Variants in WLS observed in about 807,000 individuals in gnomAD.
WLS encodes the protein protein wntless homolog.
A neutral mutation model predicts 62.8 loss-of-function variants in WLS; 23 were observed. The ratio of observed to expected loss-of-function variants is 0.37; its 90% CI spans 0.26 to 0.52. The LOEUF (loss-of-function observed/expected upper bound fraction) is 0.52, where lower values mean the gene tolerates loss of function less well. Ranked by LOEUF, WLS falls within the 20% of genes least tolerant of loss-of-function variation. The pLI is 0.92. For missense variants in WLS, 615 were observed against 697.3 expected (o/e 0.88, Z 1.33); for synonymous variants, 246 against 244.1 (o/e 1.01, Z -0.07).
chr1:68,137,320 C>T (rs547821829), intron 11 of WLS, among the ~76,000 whole-genome samples: 4 of 152,190 alleles, frequency 2.6e-5, no homozygotes, highest in South Asian at 2.1e-4. Flanking sequence ...AGACATACAT[C>T]GAAAAATCAC....
At chr1:68,193,438 A>AAC in intron 2 of WLS, among the ~76,000 whole-genome samples, 1 of 120,642 alleles carries the variant, frequency 8.3e-6, no homozygotes, top group South Asian at 2.6e-4. Context: ...AAAAAAAAAA[A>AAC]AAAACGAAAA....
intron 1 of WLS, among the ~76,000 whole-genome samples, chr1:68,221,786 A>G (rs911398775): frequency 6.6e-6 from 1 of 152,160 alleles, no homozygotes; most frequent in Non-Finnish European, 1.5e-5. Flanking sequence ...GTGCTTCGTG[A>G]CTCTGCTCAG....
intron 1 of WLS, among the ~76,000 whole-genome samples, chr1:68,200,468 T>C (rs1018702892): frequency 7.3e-6 from 1 of 136,960 alleles, no homozygotes; most frequent in Non-Finnish European, 1.5e-5. Flanking sequence ...TTTCAACGGA[T>C]AGAATTAATG....
chr1:68,134,390 G>A (rs552473197), intron 11 of WLS, among the ~76,000 whole-genome samples: 14 of 152,284 alleles, frequency 9.2e-5, no homozygotes, highest in Admixed American at 7.2e-4. Context: ...AGCTGCCAGG[G>A]GTTCCCGGGG....
intron 11 of WLS, among the ~76,000 whole-genome samples, chr1:68,117,941 G>T (rs1557451756): frequency 6.6e-6 from 1 of 151,570 alleles, no homozygotes; most frequent in African/African-American, 2.4e-5. Context: ...TGGTCTTCCA[G>T]CTGGGAAACA....
intron 2 of WLS, among the ~76,000 whole-genome samples, chr1:68,191,158 A>G (rs1470767588): frequency 6.6e-6 from 1 of 152,066 alleles, no homozygotes; most frequent in Non-Finnish European, 1.5e-5. Flanking sequence ...GTAATTATTT[A>G]TTATTACAGG....
chr1:68,222,288 C>T (rs1383131326), intron 1 of WLS, among the ~76,000 whole-genome samples: 1 of 152,130 alleles, frequency 6.6e-6, no homozygotes, highest in Non-Finnish European at 1.5e-5. Flanking sequence ...ACACCCTCAG[C>T]AAGCAAGGAA....
intron 11 of WLS, among the ~76,000 whole-genome samples, chr1:68,103,230 T>C (rs1287319739): frequency 6.6e-6 from 1 of 152,146 alleles, no homozygotes; most frequent in Non-Finnish European, 1.5e-5. Flanking sequence ...GGGAAACCAG[T>C]GGGGATATGT....
At chr1:68,124,164 C>G (rs1205788110), downstream of WLS, among the ~76,000 whole-genome samples, 1 of 152,214 alleles carries the variant, frequency 6.6e-6, no homozygotes, top group Non-Finnish European at 1.5e-5. Flanking sequence ...TAATCCTCTC[C>G]TCCAAGTCCT....
intron 1 of WLS, among the ~76,000 whole-genome samples, chr1:68,230,956 C>T (rs1318354234): frequency 2.0e-5 from 3 of 152,214 alleles, no homozygotes; most frequent in African/African-American, 7.2e-5. Flanking sequence ...GGCGTTTTCC[C>T]CGCACCCCAC....
intron 2 of WLS, among the ~76,000 whole-genome samples, chr1:68,168,113 G>T (rs1039335232): frequency 1.3e-5 from 2 of 151,976 alleles, no homozygotes; most frequent in African/African-American, 4.8e-5. Context: ...ATGGTGGGAG[G>T]GGGGTGCTAG....
intron 2 of WLS, 80 bp from the exon 3 acceptor site, chr1:68,159,327 T>C: frequency 1.3e-6 from 2 of 1,536,816 alleles, no homozygotes; most frequent in South Asian, 2.5e-5. Flanking sequence ...TCTTATAGGC[T>C]TTGACTTGGA....
intron 1 of WLS, among the ~76,000 whole-genome samples, chr1:68,205,824 C>A (rs1649258467): frequency 6.6e-6 from 1 of 152,202 alleles, no homozygotes; most frequent in Non-Finnish European, 1.5e-5. Context: ...GCAAAGGAAC[C>A]TTCTGCTGCA....
At chr1:68,205,507 G>A (rs975201384) in intron 1 of WLS, among the ~76,000 whole-genome samples, 2 of 152,158 alleles carry the variant, frequency 1.3e-5, no homozygotes, top group Admixed American at 1.3e-4. Context: ...TCAAAGCCAG[G>A]ACTTACAGTT....
intron 1 of WLS, chr1:68,231,949 C>T (rs376160842): frequency 1.7e-6 from 1 of 591,146 alleles, no homozygotes; most frequent in East Asian, 3.1e-5. Flanking sequence ...CCCGCCGCCC[C>T]CCTCTTGCCT....
chr1:68,221,639 T>G (rs1246819590), intron 1 of WLS, among the ~76,000 whole-genome samples: 1 of 152,210 alleles, frequency 6.6e-6, no homozygotes, highest in African/African-American at 2.4e-5. Flanking sequence ...AAAGGGCTGC[T>G]CTGCCTGGAA....
intron 11 of WLS, among the ~76,000 whole-genome samples, chr1:68,100,541 C>T (rs374386063): frequency 2.0e-5 from 3 of 152,008 alleles, no homozygotes; most frequent in Admixed American, 6.6e-5. Context: ...AGGAAGAGGG[C>T]GAATGGGTAG....
intron 1 of WLS, among the ~76,000 whole-genome samples, chr1:68,209,896 G>A (rs1649442821): frequency 6.6e-6 from 1 of 152,184 alleles, no homozygotes; most frequent in African/African-American, 2.4e-5. Flanking sequence ...GGCTGAACTG[G>A]GGTTTGAACC....
downstream of WLS, chr1:68,121,229 A>G (rs1646360652): frequency 6.6e-6 from 1 of 152,190 alleles, no homozygotes. Context: ...AGAAGCTAGG[A>G]TGCAGTTAAC....
Sources: gnomAD v4.1 joint callset for allele counts (sites outside exome capture counted in the v4.1 genomes callset) on GRCh38, gnomAD v4.1.1 for gene constraint, MANE v1.5 for transcripts, NCBI Gene and HGNC (gene_info 2026-07-23, HGNC 2026-07-21) for gene names.